KRAS: variants seen among roughly 807,000 people sequenced by gnomAD.
KRAS encodes the protein KRas proto-oncogene, GTPase, also known as GTPase KRas.
In KRAS, 1 loss-of-function variant was observed where a neutral mutation model predicts 21.0. That is an observed-to-expected ratio of 0.05 (90% CI 0.02 to 0.23). The LOEUF (loss-of-function observed/expected upper bound fraction) is 0.23. Ranked by LOEUF, KRAS falls within the 10% of genes least tolerant of loss-of-function variation. The probability of loss-of-function intolerance (pLI) is 1.00; values close to 1 mark genes in which losing one functional copy is unlikely to be tolerated. For missense variants in KRAS, 107 were observed against 221.8 expected, an observed-to-expected ratio of 0.48 and a Z score of 3.29; for synonymous variants, 67 against 72.5, an observed-to-expected ratio of 0.92 and a Z score of 0.39.
At chr12:25,215,362 A>G (rs184886249) in intron 4 of KRAS, 146 of 1,597,650 alleles carry the variant, frequency 9.1e-5, no homozygotes, top group Admixed American at 6.9e-4. Context: ...AAGTAGTTCT[A>G]AAGTGGTTGC....
intron 1 of KRAS, among the ~76,000 whole-genome samples, chr12:25,248,229 G>A (rs898805553): frequency 1.3e-5 from 2 of 152,028 alleles, no homozygotes; most frequent in Non-Finnish European, 2.9e-5. Context: ...GGGAGGCTTA[G>A]GCGGGCGGAT....
intron 2 of KRAS, 68 bp from the exon 3 acceptor site, chr12:25,227,480 C>T (rs964496981): frequency 1.9e-5 from 26 of 1,377,964 alleles, no homozygotes; most frequent in Non-Finnish European, 2.5e-5. Context: ...GTGTTATATA[C>T]AACTCAACAA....
intron 2 of KRAS, among the ~76,000 whole-genome samples, chr12:25,242,113 A>G (rs1951617233): frequency 6.6e-6 from 1 of 152,190 alleles, no homozygotes; most frequent in Non-Finnish European, 1.5e-5. Flanking sequence ...AAACCAATCC[A>G]ATGATTAATC....
At chr12:25,210,376 C>G (rs1192215975) in intron 4 of KRAS, among the ~76,000 whole-genome samples, 1 of 152,038 alleles carries the variant, frequency 6.6e-6, no homozygotes, top group East Asian at 1.9e-4. Flanking sequence ...TCTATACTTA[C>G]GTAAAATCCA....
chr12:25,211,933 G>T (rs1171711056), intron 4 of KRAS, among the ~76,000 whole-genome samples: 1 of 152,104 alleles, frequency 6.6e-6, no homozygotes, highest in African/African-American at 2.4e-5. Flanking sequence ...TTCTCCCACA[G>T]GAGAAAGGAA....
chr12:25,248,148 A>G (rs979230345), intron 1 of KRAS, among the ~76,000 whole-genome samples: 2 of 151,950 alleles, frequency 1.3e-5, no homozygotes, highest in Non-Finnish European at 1.5e-5. Flanking sequence ...GATAAGAGCC[A>G]ATGTGCCCGG....
chr12:25,245,192 T>A, intron 2 of KRAS, 82 bp downstream of exon 2: 1 of 1,372,844 alleles, frequency 7.3e-7, no homozygotes, highest in Non-Finnish European at 1.0e-6. Context: ...TAATAAGTAC[T>A]CATGAAAATG....
At chr12:25,215,294 A>G (rs1056859975) in intron 4 of KRAS, 1 of 1,295,004 alleles carries the variant, frequency 7.7e-7, no homozygotes, top group African/African-American at 1.5e-5. Flanking sequence ...AAATAAATGT[A>G]CTAATTATGG....
At chr12:25,221,267 C>G (rs926080519) in intron 4 of KRAS, among the ~76,000 whole-genome samples, 1 of 148,792 alleles carries the variant, frequency 6.7e-6, no homozygotes, top group Non-Finnish European at 1.5e-5. Context: ...GAGTCTCGCT[C>G]GGTCGTCCAG....
chr12:25,205,866 A>G lies in KRAS; in HGVS notation c.*3929T>C, dbSNP rs1347212877. The G allele has an allele frequency of 4.6e-6, 1 of 216,450 alleles. No individual in the cohort carries two copies. Among genetic ancestry groups the G allele is most frequent in the Non-Finnish European group, 9.3e-6 (1 of 107,512 alleles). The allele number at this position is 216,450 out of a possible 1,614,324, so 13.4% of individuals were successfully genotyped here. A position where few individuals can be genotyped will look rare whatever the true frequency, so the allele number is the denominator to read the frequency against. On this transcript the variant is annotated 3_prime_UTR_variant, in exon 5 of 5. Transcript: ENST00000311936. The stretch of plus-strand genomic sequence containing the variant: ...CATGTGAGTATCTTTCTTTAGAAAG[A>G]AAGTTTCATTTTATGACAGCTATTC...
Position 25,225,676 on chromosome 12 carries a change from C to G in KRAS, c.388G>C (p.Ala130Pro), listed in dbSNP as rs1463850736. ...CCATAACTTCTTGCTAAGTCCTGAG[C>G]CTGTTTTGTGTCTACTGTTCTAGAA... ...LPSRTVDTKQ[A>P]QDLARSYGIP... is the part of the protein sequence containing the mutation. Residue 130 changes from alanine (A) to proline (P), a missense_variant, in exon 4 of 5, where the codon GCT (alanine) becomes CCT (proline). By Grantham distance (27) the Ala-to-Pro change is conservative. Coordinates refer to ENST00000311936, the MANE Select transcript of KRAS (RefSeq NM_004985.5). The G allele has an allele frequency of 5.6e-6, 9 of 1,613,098 alleles. No homozygotes were observed. The highest frequency in any genetic ancestry group is 2.7e-5 in the African/African-American group (2 of 74,846).
intron 2 of KRAS, among the ~76,000 whole-genome samples, chr12:25,232,942 T>A (rs1186984338): frequency 2.0e-5 from 3 of 152,218 alleles, no homozygotes; most frequent in Admixed American, 2.0e-4. Context: ...AATGTTACTA[T>A]GGGAAATTAT....
chr12:25,230,192 G>A (rs1951447398), intron 2 of KRAS, among the ~76,000 whole-genome samples: 1 of 152,180 alleles, frequency 6.6e-6, no homozygotes, highest in Non-Finnish European at 1.5e-5. Flanking sequence ...ACAGTATAAG[G>A]AGAATATAAA....
intron 2 of KRAS, among the ~76,000 whole-genome samples, chr12:25,230,099 C>T (rs946441032): frequency 2.0e-5 from 3 of 152,042 alleles, no homozygotes; most frequent in African/African-American, 4.8e-5. Flanking sequence ...TTATGAATTA[C>T]TCTGTAGACC....
At chr12:25,220,884 G>A (rs1221957662) in intron 4 of KRAS, among the ~76,000 whole-genome samples, 9 of 151,870 alleles carry the variant, frequency 5.9e-5, no homozygotes, top group African/African-American at 2.2e-4. Context: ...AATCAGTCAG[G>A]TGTGGTGGTG....
At chr12:25,248,340 C>G (rs1342467933) in intron 1 of KRAS, among the ~76,000 whole-genome samples, 1 of 148,312 alleles carries the variant, frequency 6.7e-6, no homozygotes, top group Non-Finnish European at 1.5e-5. Context: ...ATCCCGGCTA[C>G]TCGGGAAGCT....
chr12:25,212,583 A>T (rs1198113079), intron 4 of KRAS, among the ~76,000 whole-genome samples: 2 of 151,810 alleles, frequency 1.3e-5, no homozygotes, highest in Admixed American at 6.6e-5. Flanking sequence ...ATAAGTAATA[A>T]AAAAAAATTA....
chr12:25,245,195 T>C (rs995913329), intron 2 of KRAS, 79 bp downstream of exon 2: 7 of 1,432,040 alleles, frequency 4.9e-6, no homozygotes, highest in South Asian at 1.2e-5. Flanking sequence ...TAAGTACTCA[T>C]GAAAATGGTC....
rs1951140600 is a variant in KRAS, at chr12:25,206,536, C to T, written c.*3259G>A. On this transcript the variant is annotated 3_prime_UTR_variant, in exon 5 of 5. Coordinates refer to ENST00000311936, the MANE Select transcript of KRAS (RefSeq NM_004985.5). ...AAGTTCACATAAAGGTAATTAACCACTACCTTAAAAAAATGCCCATCTACA... is the reference window on the plus strand; with the variant it reads ...AAGTTCACATAAAGGTAATTAACCATTACCTTAAAAAAATGCCCATCTACA... 1 of 203,768 alleles carries T rather than the reference C, an allele frequency of 4.9e-6. No individual in the cohort carries two copies. The highest frequency in any genetic ancestry group is 1.9e-4 in the South Asian group (1 of 5,272). 12.6% of individuals were successfully genotyped at this position (203,768 alleles called of 1,614,324 possible). A position where few individuals can be genotyped will look rare whatever the true frequency, so the allele number is the denominator to read the frequency against.
Sources: allele counts gnomAD v4.1 joint callset (sites outside exome capture counted in the v4.1 genomes callset), GRCh38; gene constraint gnomAD v4.1.1; transcripts MANE v1.5; gene names NCBI Gene and HGNC (gene_info 2026-07-23, HGNC 2026-07-21).